The following USH2A variants were observed in gnomAD, a reference collection of about 807,000 sequenced individuals.
USH2A encodes Usher syndrome 2A (autosomal recessive, mild).
USH2A carries 443 observed loss-of-function variants against 538.9 expected under a neutral mutation model. The ratio of observed to expected loss-of-function variants is 0.82; its 90% CI spans 0.76 to 0.89. The LOEUF (loss-of-function observed/expected upper bound fraction) is 0.89. Ranked by LOEUF, USH2A falls within the 40% of genes least tolerant of loss-of-function variation. The pLI is 0.00. For synonymous variants in USH2A, 2,413 were observed against 2,273.5 expected (o/e 1.06, Z -1.75); for missense variants, 6,633 against 6,324.8 (o/e 1.05, Z -1.65).
intron 47 of USH2A, among the ~76,000 whole-genome samples, chr1:215,830,334 C>T (rs1663276090): frequency 6.6e-6 from 1 of 152,208 alleles, no homozygotes; most frequent in Non-Finnish European, 1.5e-5. Flanking sequence ...AGGAGCTGCA[C>T]TGCGGCAGCT....
chr1:215,640,027 A>C (rs1412973669), intron 68 of USH2A, among the ~76,000 whole-genome samples: 2 of 152,156 alleles, frequency 1.3e-5, no homozygotes, highest in Non-Finnish European at 2.9e-5. Flanking sequence ...AGGCAAGGAG[A>C]AAAGGGACAT....
Position 215,647,522 on chromosome 1 carries a change from A to G in USH2A, c.14791T>C (p.Leu4931=). 1 of 1,613,812 alleles carries G rather than the reference A, an allele frequency of 6.2e-7. No homozygotes were observed. Among genetic ancestry groups the G allele is most frequent in the Non-Finnish European group, 8.5e-7 (1 of 1,179,922 alleles). ...TATGGTAGCAGCCACTTATACTCACATTCTTTTTGGGTGGTGAAACTGATC... is the reference window on the plus strand; with the variant it reads ...TATGGTAGCAGCCACTTATACTCACGTTCTTTTTGGGTGGTGAAACTGATC... ...EWISFTTQKE[L]PQYRAPFSVD... is the part of the protein sequence containing the mutation. Residue 4931 remains leucine (L), a splice_region_variant and synonymous_variant, in exon 67 of 72, where the codon TTG becomes CTG. Coordinates refer to ENST00000307340, the MANE Select transcript of USH2A (RefSeq NM_206933.4).
At chr1:216,415,986 T>G (rs2102780198) in intron 3 of USH2A, among the ~76,000 whole-genome samples, 1 of 152,052 alleles carries the variant, frequency 6.6e-6, no homozygotes, top group African/African-American at 2.4e-5. Context: ...CCAACAATGG[T>G]GAAACTCCTT....
intron 15 of USH2A, 40 bp from the exon 16 acceptor site, chr1:216,207,471 C>T (rs1419482041): frequency 6.2e-7 from 1 of 1,613,006 alleles, no homozygotes; most frequent in Non-Finnish European, 8.5e-7. Flanking sequence ...GCAAAGCAAT[C>T]AATAAACAGA....
chr1:215,801,715 A>G (rs551655367), intron 49 of USH2A, among the ~76,000 whole-genome samples: 10 of 152,288 alleles, frequency 6.6e-5, no homozygotes, highest in African/African-American at 2.2e-4. Context: ...AGTGATCTAC[A>G]GAATCAATTC....
intron 30 of USH2A, among the ~76,000 whole-genome samples, chr1:216,051,994 T>C (rs2102529991): frequency 6.6e-6 from 1 of 152,344 alleles, no homozygotes; most frequent in African/African-American, 2.4e-5. Context: ...AGATCCTGAG[T>C]TCACAACTCA....
intron 32 of USH2A, among the ~76,000 whole-genome samples, chr1:216,037,546 A>G (rs534408581): frequency 6.6e-6 from 1 of 152,198 alleles, no homozygotes; most frequent in African/African-American, 2.4e-5. Context: ...TTCAACTCCT[A>G]TTACAATTAT....
chr1:216,125,425 A>C (rs1185539930), intron 21 of USH2A, among the ~76,000 whole-genome samples: 1 of 152,122 alleles, frequency 6.6e-6, no homozygotes, highest in Non-Finnish European at 1.5e-5. Flanking sequence ...TATTTTCTCT[A>C]AAGTAAGATG....
At chr1:215,882,528 T>C (rs899853181) in intron 41 of USH2A, among the ~76,000 whole-genome samples, 5 of 152,116 alleles carry the variant, frequency 3.3e-5, no homozygotes, top group African/African-American at 9.7e-5. Context: ...AGAGAAAGAG[T>C]ACAAATATAT....
intron 60 of USH2A, among the ~76,000 whole-genome samples, chr1:215,736,654 A>G (rs953935430): frequency 1.3e-5 from 2 of 152,056 alleles, no homozygotes; most frequent in Non-Finnish European, 2.9e-5. Flanking sequence ...ATAGACAATA[A>G]GAAATAATCC....
At chr1:215,727,924 A>G in intron 61 of USH2A, 106 bp downstream of exon 61, 3 of 1,310,606 alleles carry the variant, frequency 2.3e-6, no homozygotes, top group Non-Finnish European at 3.3e-6. Context: ...AGATTTTCAT[A>G]TATTTAAGCC....
At chr1:216,237,842 T>A (rs944869181) in intron 13 of USH2A, among the ~76,000 whole-genome samples, 1 of 152,188 alleles carries the variant, frequency 6.6e-6, no homozygotes, top group East Asian at 1.9e-4. Flanking sequence ...CAGATGTACC[T>A]AAGATTGTGG....
At chr1:215,979,329 A>G (rs1667696781) in intron 35 of USH2A, among the ~76,000 whole-genome samples, 1 of 152,186 alleles carries the variant, frequency 6.6e-6, no homozygotes, top group South Asian at 2.1e-4. Context: ...GCCAAACCAT[A>G]TCACTCGATA....
intron 61 of USH2A, among the ~76,000 whole-genome samples, chr1:215,710,963 A>G (rs1659323191): frequency 6.6e-6 from 1 of 151,904 alleles, no homozygotes; most frequent in Non-Finnish European, 1.5e-5. Context: ...AAGGCAAGCA[A>G]TCTACTAACA....
intron 29 of USH2A, 193 bp downstream of exon 29, chr1:216,072,696 T>C: frequency 1.6e-6 from 1 of 627,486 alleles, no homozygotes; most frequent in Non-Finnish European, 2.8e-6. Context: ...ATTTAGTGAA[T>C]TCTTGGTAAA....
chr1:215,659,799 T>A (rs953731222), intron 64 of USH2A, among the ~76,000 whole-genome samples: 3 of 152,186 alleles, frequency 2.0e-5, no homozygotes, highest in African/African-American at 4.8e-5. Context: ...TTTGTGCTCC[T>A]GATAGAGGTG....
intron 58 of USH2A, among the ~76,000 whole-genome samples, chr1:215,753,213 G>A (rs1370142591): frequency 1.3e-5 from 2 of 152,112 alleles, no homozygotes; most frequent in Admixed American, 1.3e-4. Context: ...ACTGTTGGTG[G>A]GACTGTAAAC....
intron 61 of USH2A, among the ~76,000 whole-genome samples, chr1:215,682,750 T>C (rs1023340071): frequency 5.9e-4 from 44 of 74,656 alleles, no homozygotes; most frequent in Non-Finnish European, 1.1e-3. Context: ...GGTCTACATG[T>C]ATCTAAAAAA....
At chr1:216,161,712 T>C (rs1312676239) in intron 21 of USH2A, among the ~76,000 whole-genome samples, 1 of 152,120 alleles carries the variant, frequency 6.6e-6, no homozygotes, top group Non-Finnish European at 1.5e-5. Flanking sequence ...TGATGATAAC[T>C]TTTTTCAACT....
Sources: allele counts gnomAD v4.1 joint callset (sites outside exome capture counted in the v4.1 genomes callset), GRCh38; gene constraint gnomAD v4.1.1; transcripts MANE v1.5; gene names NCBI Gene and HGNC (gene_info 2026-07-23, HGNC 2026-07-21).